The following LRRC8B variants were observed in gnomAD, a reference collection of about 807,000 sequenced individuals.
LRRC8B encodes the protein leucine rich repeat containing 8 VRAC subunit B.
Under a neutral mutation model 58.8 loss-of-function variants are expected in LRRC8B, and 23 were observed. That is an observed-to-expected ratio of 0.39 (90% CI 0.28 to 0.55). The LOEUF (loss-of-function observed/expected upper bound fraction) is 0.55, where lower values mean the gene tolerates loss of function less well. Among genes scored for constraint, LRRC8B ranks in the 20% least tolerant of loss-of-function variants. LRRC8B has a pLI of 0.62. For synonymous variants in LRRC8B, 359 were observed against 374.1 expected (o/e 0.96, Z 0.47); for missense variants, 694 against 936.0 (o/e 0.74, Z 3.37).
chr1:89,532,149 C>T (rs1332549695), intron 1 of LRRC8B, among the ~76,000 whole-genome samples: 1 of 152,134 alleles, frequency 6.6e-6, no homozygotes, highest in African/African-American at 2.4e-5. Flanking sequence ...CTCAGAAATA[C>T]GTTCCCTGGC....
rs942307662 is a variant in LRRC8B, at chr1:89,583,150, G to A, written c.500G>A (p.Arg167His). The change falls in exon 5 of 6, where the codon CGC becomes CAC. Residue 167 changes from arginine to histidine, a missense_variant. Transcript: ENST00000330947. This position sits in a 1 kb window ranked among gnomAD's most constrained non-coding sequence, Gnocchi z 5.2. ...HKCFDSPWTT[R>H]ALSETVAEQS... ...TGCTTCGATTCTCCATGGACCACCC[G>A]CGCCCTTTCAGAAACAGTGGCTGAG... 6 of 1,614,090 alleles carry A rather than the reference G, an allele frequency of 3.7e-6. No individual in the cohort carries two copies. Among genetic ancestry groups the A allele is most frequent in the East Asian group, 2.2e-5 (1 of 44,874 alleles).
chr1:89,582,682 C>T lies in LRRC8B; in HGVS notation c.32C>T (p.Ala11Val). The T allele has an allele frequency of 6.2e-7, 1 of 1,613,820 alleles. No homozygotes were observed. Among genetic ancestry groups the T allele is most frequent in the Non-Finnish European group, 8.5e-7 (1 of 1,179,740 alleles). MITLTELKCL[A>V]DAQSSYHILK... ...ACACTAACTGAGCTAAAATGCTTAGCAGATGCCCAGTCATCTTATCACATC... is the reference window on the plus strand; with the variant it reads ...ACACTAACTGAGCTAAAATGCTTAGTAGATGCCCAGTCATCTTATCACATC... The change falls in exon 5 of 6, where the codon GCA (alanine) becomes GTA (valine). Residue 11 changes from alanine to valine, a missense_variant. Transcript: ENST00000330947.
intron 3 of LRRC8B, among the ~76,000 whole-genome samples, chr1:89,574,587 C>T (rs1047010453): frequency 1.3e-5 from 2 of 152,132 alleles, no homozygotes; most frequent in Non-Finnish European, 2.9e-5. Flanking sequence ...CCCTTTAACT[C>T]CTTTTTTAAC....
chr1:89,525,592 A>AGG (rs1172579837), intron 1 of LRRC8B, among the ~76,000 whole-genome samples: 1 of 152,204 alleles, frequency 6.6e-6, no homozygotes, highest in Non-Finnish European at 1.5e-5. Context: ...TGAGAAAGAA[A>AGG]GGGCAAGCGT....
intron 5 of LRRC8B, among the ~76,000 whole-genome samples, chr1:89,589,048 T>C (rs1217665753): frequency 2.0e-5 from 3 of 152,246 alleles, no homozygotes; most frequent in Non-Finnish European, 2.9e-5. Context: ...TGTTATATTT[T>C]GAATTTCATT....
chr1:89,578,439 T>TA (rs35395385), intron 3 of LRRC8B, among the ~76,000 whole-genome samples: 60,607 of 152,010 alleles, frequency 0.4, 13,566 homozygotes, highest in South Asian at 0.55. Context: ...TGAGAAATCT[T>TA]ACTCCAGTTG....
chr1:89,553,163 G>T (rs969012520), intron 1 of LRRC8B, among the ~76,000 whole-genome samples: 1 of 152,104 alleles, frequency 6.6e-6, no homozygotes, highest in Admixed American at 6.5e-5. Context: ...CATGTAAATT[G>T]GTTAAAAACA....
chr1:89,567,517 C>T (rs1418261357), intron 1 of LRRC8B, among the ~76,000 whole-genome samples: 1 of 152,056 alleles, frequency 6.6e-6, no homozygotes, highest in African/African-American at 2.4e-5. Flanking sequence ...TTCAATTCAA[C>T]TCAAAGAAAT....
At chr1:89,535,340 A>T (rs1650451444) in intron 1 of LRRC8B, among the ~76,000 whole-genome samples, 1 of 152,174 alleles carries the variant, frequency 6.6e-6, no homozygotes, top group African/African-American at 2.4e-5. Flanking sequence ...CCCTTGGTGT[A>T]CACAGGGATA....
chr1:89,588,797 C>G (rs763925189), intron 5 of LRRC8B, among the ~76,000 whole-genome samples: 12 of 152,206 alleles, frequency 7.9e-5, no homozygotes, highest in Middle Eastern at 3.2e-3. Flanking sequence ...GACAAAGACT[C>G]TCATACCTGA....
At chr1:89,537,837 A>G (rs780133060) in intron 1 of LRRC8B, among the ~76,000 whole-genome samples, 14 of 152,218 alleles carry the variant, frequency 9.2e-5, no homozygotes, top group Non-Finnish European at 1.8e-4. Flanking sequence ...ATGTGAGGAT[A>G]CAGCAATAGG....
intron 1 of LRRC8B, among the ~76,000 whole-genome samples, chr1:89,550,747 A>G (rs1651736308): frequency 1.3e-5 from 2 of 152,054 alleles, no homozygotes; most frequent in Non-Finnish European, 2.9e-5. Context: ...CAGAACCCAC[A>G]GTTCTGCCTA....
chr1:89,579,214 T>C (rs183057560), intron 3 of LRRC8B, among the ~76,000 whole-genome samples: 137 of 152,364 alleles, frequency 9.0e-4, no homozygotes, highest in African/African-American at 3.1e-3. Context: ...GCTGTGTTCA[T>C]CTAAGTGTTG....
intron 1 of LRRC8B, among the ~76,000 whole-genome samples, chr1:89,556,579 A>G (rs1410289809): frequency 6.6e-6 from 1 of 152,160 alleles, no homozygotes; most frequent in Non-Finnish European, 1.5e-5. Flanking sequence ...TGAGTAGTTA[A>G]TGTCAGAATA....
Position 89,525,957 on chromosome 1 carries a change from A to G in LRRC8B, c.-241+935A>G, listed in dbSNP as rs562866851. Among the ~76,000 whole-genome samples, 3 of 152,336 alleles carry G rather than the reference A, an allele frequency of 2.0e-5. No individual in the cohort carries two copies. In the South Asian group the frequency reaches 6.2e-4, roughly 32 times the overall value. On this transcript the variant is annotated intron_variant, in intron 1 of 5. Transcript: ENST00000330947. ...CCAAATTAAAACAGGCAATTTGTTC[A>G]GCGTATATTAAGAAGACATTACGTA... is the stretch of plus-strand genomic sequence containing the variant.
intron 1 of LRRC8B, among the ~76,000 whole-genome samples, chr1:89,547,600 A>G (rs1651504247): frequency 6.6e-6 from 1 of 152,238 alleles, no homozygotes; most frequent in Non-Finnish European, 1.5e-5. Context: ...TCAAACTTTG[A>G]TGCCAACATT....
In LRRC8B at chr1:89,595,673, T is replaced by C. The variant is rs796119878; in HGVS notation, c.*2630T>C. 10 of 152,292 alleles carry C rather than the reference T, an allele frequency of 6.6e-5. No individual in the cohort carries two copies. Among genetic ancestry groups the C allele is most frequent in the African/African-American group, 2.2e-4 (9 of 41,586 alleles). 9.4% of individuals were successfully genotyped at this position (152,292 alleles called of 1,614,324 possible). A position where few individuals can be genotyped will look rare whatever the true frequency, so the allele number is the denominator to read the frequency against. Reference sequence around the variant, plus strand: ...TTTACATCTTTTAATTTAAACCTTATACACCAGTGTTTAGGTCGCTTTTGA... The same window carrying C: ...TTTACATCTTTTAATTTAAACCTTACACACCAGTGTTTAGGTCGCTTTTGA... On this transcript the variant is annotated 3_prime_UTR_variant, in exon 6 of 6. Transcript: ENST00000330947.
In LRRC8B at chr1:89,561,243, T is replaced by C. The variant is rs1014828494; in HGVS notation, c.-240-7004T>C. Among the ~76,000 whole-genome samples the C allele has an allele frequency of 3.6e-3, 543 of 150,166 alleles. 2 individuals carry two copies. The highest frequency in any genetic ancestry group is 7.8e-3 in the Admixed American group (117 of 15,092). Reference sequence around the variant, plus strand: ...ACTTTTTGATGGGGTTGTTTGTTTTTTTCTTGTAAATTTGTTTGAGTTCAC... The same window carrying C: ...ACTTTTTGATGGGGTTGTTTGTTTTCTTCTTGTAAATTTGTTTGAGTTCAC... On this transcript the variant is annotated intron_variant, in intron 1 of 5. Coordinates refer to ENST00000330947, the MANE Select transcript of LRRC8B (RefSeq NM_001369817.2).
intron 1 of LRRC8B, among the ~76,000 whole-genome samples, chr1:89,547,548 A>G (rs767915699): frequency 5.9e-5 from 9 of 152,226 alleles, no homozygotes; most frequent in African/African-American, 2.2e-4. Flanking sequence ...GCCTGTACCT[A>G]GTAGACATAG....
Sources: gnomAD v4.1 joint callset for allele counts (sites outside exome capture counted in the v4.1 genomes callset) on GRCh38, gnomAD v4.1.1 for gene constraint, Gnocchi (gnomAD v3.1) non-coding constraint, MANE v1.5 for transcripts, NCBI Gene and HGNC (gene_info 2026-07-23, HGNC 2026-07-21) for gene names.